The following GPATCH2L variants were observed in gnomAD, a reference collection of about 807,000 sequenced individuals.
GPATCH2L encodes the protein G-patch domain containing 2 like.
In GPATCH2L, 31 loss-of-function variants were observed where a neutral mutation model predicts 57.4. That is an observed-to-expected ratio of 0.54 (90% CI 0.41 to 0.73). The LOEUF is 0.73. Among genes scored for constraint, GPATCH2L ranks in the 30% least tolerant of loss-of-function variants. GPATCH2L has a pLI of 0.00. For missense variants in GPATCH2L, 481 were observed against 599.9 expected, an observed-to-expected ratio of 0.80 and a Z score of 2.07; for synonymous variants, 199 against 210.7, an observed-to-expected ratio of 0.94 and a Z score of 0.48.
rs1023607667 is a variant in GPATCH2L, at chr14:76,194,744, G to GT, written c.1194-1128dup. Among the ~76,000 whole-genome samples, 12 of 151,964 alleles carry GT rather than the reference G, an allele frequency of 7.9e-5. No homozygotes were observed. The East Asian group carries it at 2.3e-3, about 29-fold the overall frequency. On this transcript the variant is annotated intron_variant, in intron 8 of 9. Coordinates refer to ENST00000261530, the MANE Select transcript of GPATCH2L (RefSeq NM_017926.4). ...TTTTATATGTTATTTACTTTGGCTA[G>GT]TTTTTTAAAATTGTGGTAAAATGTA...
rs1340033498 is a variant in GPATCH2L, at chr14:76,212,730, G to A, written c.*10879G>A. The A allele has an allele frequency of 6.6e-6, 1 of 151,982 alleles. No homozygotes were observed. Among genetic ancestry groups the A allele is most frequent in the Non-Finnish European group, 1.5e-5 (1 of 67,998 alleles). The allele number at this position is 151,982 out of a possible 1,614,324, so 9.4% of individuals were successfully genotyped here. A position where few individuals can be genotyped will look rare whatever the true frequency, so the allele number is the denominator to read the frequency against. ...CATTTCCCCATTTGACTGTGTATTA[G>A]AGCGTACAGAAAACATAAGTTTCAG... On this transcript the variant is annotated 3_prime_UTR_variant, in exon 10 of 10. Transcript: ENST00000261530.
At chr14:76,167,711 T>C (rs1215872744) in intron 3 of GPATCH2L, among the ~76,000 whole-genome samples, 2 of 152,180 alleles carry the variant, frequency 1.3e-5, no homozygotes, top group African/African-American at 2.4e-5. Flanking sequence ...ATTTCTATCT[T>C]TTAGATTCTG....
chr14:76,166,492 CT>C (rs1196350638), intron 2 of GPATCH2L, among the ~76,000 whole-genome samples, 170 bp from the exon 3 acceptor site: 2 of 152,118 alleles, frequency 1.3e-5, no homozygotes, highest in African/African-American at 4.8e-5. Flanking sequence ...TCTTATATTT[CT>C]TTTGTTTGGG....
chr14:76,213,187 C>T lies in GPATCH2L; in HGVS notation c.*11336C>T, dbSNP rs1010818390. On this transcript the variant is annotated 3_prime_UTR_variant, in exon 10 of 10. Coordinates refer to ENST00000261530, the MANE Select transcript of GPATCH2L (RefSeq NM_017926.4). ...GTAAAATATGTAACATTTTAGCTAA[C>T]ATTACAAGAGAAGACAAACACAAAA... 5 of 152,034 alleles carry T rather than the reference C, an allele frequency of 3.3e-5. No individual in the cohort carries two copies. The highest frequency in any genetic ancestry group is 7.4e-5 in the Non-Finnish European group (5 of 67,992). 9.4% of individuals were successfully genotyped at this position (152,034 alleles called of 1,614,324 possible). A position where few individuals can be genotyped will look rare whatever the true frequency, so the allele number is the denominator to read the frequency against.
At chr14:76,157,280 G>A (rs552254336) in intron 2 of GPATCH2L, among the ~76,000 whole-genome samples, 14 of 152,248 alleles carry the variant, frequency 9.2e-5, no homozygotes, top group African/African-American at 3.4e-4. Context: ...CTTACTCTTT[G>A]ACTGAATGTT....
downstream of GPATCH2L, among the ~76,000 whole-genome samples, chr14:76,215,779 G>T (rs1368199440): frequency 9.1e-6 from 1 of 110,184 alleles, no homozygotes; most frequent in Non-Finnish European, 1.8e-5. Context: ...GGTGGGGGGA[G>T]GGGGGAGGGA....
intron 8 of GPATCH2L, among the ~76,000 whole-genome samples, chr14:76,186,633 T>A (rs965710979): frequency 6.6e-6 from 1 of 152,240 alleles, no homozygotes; most frequent in Non-Finnish European, 1.5e-5. Flanking sequence ...TGCCCAAGCC[T>A]ATTGGAATTG....
At chr14:76,180,986 A>G in intron 8 of GPATCH2L, 137 bp downstream of exon 8, 2 of 619,926 alleles carry the variant, frequency 3.2e-6, no homozygotes, top group Non-Finnish European at 5.8e-6. Flanking sequence ...TAGATGTTTT[A>G]CAGATGTAGA....
chr14:76,167,126 G>T (rs537233857), intron 3 of GPATCH2L, among the ~76,000 whole-genome samples: 2 of 152,208 alleles, frequency 1.3e-5, no homozygotes, highest in South Asian at 4.2e-4. Flanking sequence ...AGAAAATCTT[G>T]TCACTTTTGT....
intron 9 of GPATCH2L, among the ~76,000 whole-genome samples, chr14:76,198,423 A>G (rs2040221438): frequency 6.6e-6 from 1 of 152,182 alleles, no homozygotes; most frequent in Admixed American, 6.5e-5. Context: ...CCAGATGAAA[A>G]CCAGGCTTCG....
At chr14:76,187,375 G>T (rs2039807552) in intron 8 of GPATCH2L, among the ~76,000 whole-genome samples, 1 of 151,870 alleles carries the variant, frequency 6.6e-6, no homozygotes, top group Admixed American at 6.6e-5. Flanking sequence ...TGCACATCCA[G>T]CATAGTATGT....
At chr14:76,229,058 G>A (rs1318674398) in intron 1 of GPATCH2L, among the ~76,000 whole-genome samples, 2 of 152,206 alleles carry the variant, frequency 1.3e-5, no homozygotes, top group Non-Finnish European at 2.9e-5. Context: ...CACTGACTCA[G>A]ACATGCTTTC....
At chr14:76,188,380 A>T (rs1163660702) in intron 8 of GPATCH2L, among the ~76,000 whole-genome samples, 4 of 151,890 alleles carry the variant, frequency 2.6e-5, no homozygotes, top group Non-Finnish European at 5.9e-5. Flanking sequence ...CACCAGCATT[A>T]TTAGTTGTAT....
At chr14:76,190,997 C>A (rs545821936) in intron 8 of GPATCH2L, among the ~76,000 whole-genome samples, 6 of 152,262 alleles carry the variant, frequency 3.9e-5, no homozygotes, top group Non-Finnish European at 7.4e-5. Flanking sequence ...TAACGTATTA[C>A]ATGGTTTGCA....
downstream of GPATCH2L, among the ~76,000 whole-genome samples, chr14:76,214,817 TCTTAG>T (rs1463000969): frequency 6.6e-6 from 1 of 152,212 alleles, no homozygotes; most frequent in East Asian, 1.9e-4. Context: ...AGTTTTATCT[TCTTAG>T]CTTAGTATAA....
Position 76,154,076 on chromosome 14 carries a change from A to G in GPATCH2L, c.-10-278A>G. 3.5e-6 allele frequency: 1 copy of G among 285,196 alleles called. No individual in the cohort carries two copies. Among genetic ancestry groups the G allele is most frequent in the Non-Finnish European group, 6.5e-6 (1 of 152,770 alleles). The allele number at this position is 285,196 out of a possible 1,614,324, so 17.7% of individuals were successfully genotyped here. A position where few individuals can be genotyped will look rare whatever the true frequency, so the allele number is the denominator to read the frequency against. On this transcript the variant is annotated intron_variant, in intron 1 of 9. Coordinates refer to ENST00000261530, the MANE Select transcript of GPATCH2L (RefSeq NM_017926.4). The surrounding 1 kb of genome is among the most constrained non-coding windows in gnomAD (Gnocchi z 4.4). ...CCGAATTTGTTTTGGGTCCTGTCCC[A>G]GTTGTCTTCTGGTTAGTAGGTTTTT...
chr14:76,228,329 T>A (rs1305326282), intron 1 of GPATCH2L, among the ~76,000 whole-genome samples: 1 of 152,036 alleles, frequency 6.6e-6, no homozygotes, highest in Non-Finnish European at 1.5e-5. Flanking sequence ...AAATACTTGG[T>A]GTTTGATGTG....
At chr14:76,187,610 T>C in intron 8 of GPATCH2L, among the ~76,000 whole-genome samples, 1 of 152,128 alleles carries the variant, frequency 6.6e-6, no homozygotes, top group Non-Finnish European at 1.5e-5. Flanking sequence ...TTGTAGTAGG[T>C]GTATATACTT....
intron 8 of GPATCH2L, among the ~76,000 whole-genome samples, chr14:76,184,921 A>G (rs151109919): frequency 2.0e-5 from 3 of 152,310 alleles, no homozygotes; most frequent in South Asian, 2.1e-4. Context: ...TCCTAAATGC[A>G]TATGGTTTTG....
Sources: allele counts gnomAD v4.1 joint callset (sites outside exome capture counted in the v4.1 genomes callset), GRCh38; gene constraint gnomAD v4.1.1; non-coding constraint Gnocchi (gnomAD v3.1); transcripts MANE v1.5; gene names NCBI Gene and HGNC (gene_info 2026-07-23, HGNC 2026-07-21).